The following CWC27 variants were observed in gnomAD, a reference collection of about 807,000 sequenced individuals.
The protein encoded by CWC27 is spliceosome-associated protein CWC27 homolog.
Under a neutral mutation model 63.6 loss-of-function variants are expected in CWC27, and 47 were observed. The observed-to-expected ratio is 0.74, with a 90% CI of 0.58 to 0.94. The LOEUF (loss-of-function observed/expected upper bound fraction) is 0.94, where lower values mean the gene tolerates loss of function less well. Among genes scored for constraint, CWC27 ranks in the 40% least tolerant of loss-of-function variants. The pLI, the probability that CWC27 is intolerant of heterozygous loss-of-function variation, is 0.00. For synonymous variants in CWC27, 175 were observed against 179.8 expected, an observed-to-expected ratio of 0.97 and a Z score of 0.22; for missense variants, 495 against 554.3, an observed-to-expected ratio of 0.89 and a Z score of 1.07.
At chr5:64,873,533 T>C (rs1460766601) in intron 10 of CWC27, among the ~76,000 whole-genome samples, 1 of 151,846 alleles carries the variant, frequency 6.6e-6, no homozygotes, top group Non-Finnish European at 1.5e-5. Flanking sequence ...AATAGGATTA[T>C]TGGGTTTTTT....
Position 64,801,340 on chromosome 5 carries a change from T to A in CWC27, c.780+8T>A. On this transcript the variant is annotated splice_region_variant and intron_variant, in intron 9 of 13. Coordinates refer to ENST00000381070, the MANE Select transcript of CWC27 (RefSeq NM_005869.4). ...GCACCAGATTTAGTTGATGTAAGTA[T>A]TTATTTTGGTATTAATATAGTTTGA... is the stretch of plus-strand genomic sequence containing the variant. 1 of 1,376,086 alleles carries A rather than the reference T, an allele frequency of 7.3e-7. No homozygotes were observed. Among genetic ancestry groups the A allele is most frequent in the Non-Finnish European group, 9.7e-7 (1 of 1,025,858 alleles). 85.2% of individuals were successfully genotyped at this position (1,376,086 alleles called of 1,614,324 possible). A position where few individuals can be genotyped will look rare whatever the true frequency, so the allele number is the denominator to read the frequency against.
chr5:64,910,267 A>T (rs1747756595), intron 11 of CWC27, among the ~76,000 whole-genome samples: 1 of 152,220 alleles, frequency 6.6e-6, no homozygotes, highest in Non-Finnish European at 1.5e-5. Context: ...GAGGCTGCAG[A>T]ACAGCAAATA....
chr5:64,883,873 A>G (rs957726331), intron 10 of CWC27, among the ~76,000 whole-genome samples: 1 of 152,176 alleles, frequency 6.6e-6, no homozygotes, highest in Admixed American at 6.5e-5. Flanking sequence ...GTGAGGTGGG[A>G]GTGTTTGAAA....
At chr5:64,976,662 A>G (rs1749233096) in intron 12 of CWC27, among the ~76,000 whole-genome samples, 1 of 152,144 alleles carries the variant, frequency 6.6e-6, no homozygotes, top group South Asian at 2.1e-4. Flanking sequence ...GCTTCATAGT[A>G]GCTGGGACTA....
intron 11 of CWC27, among the ~76,000 whole-genome samples, chr5:64,892,415 C>CA (rs1440278202): frequency 6.6e-6 from 1 of 151,676 alleles, no homozygotes; most frequent in African/African-American, 2.4e-5. Context: ...TTATTCTTTG[C>CA]AAAAATATCA....
intron 10 of CWC27, among the ~76,000 whole-genome samples, chr5:64,862,879 A>G (rs1366386920): frequency 2.6e-5 from 4 of 152,170 alleles, no homozygotes. Context: ...TGGTTCATAG[A>G]TGGCCATCTT....
chr5:65,005,984 G>T (rs912865629), intron 13 of CWC27, among the ~76,000 whole-genome samples: 2 of 152,074 alleles, frequency 1.3e-5, no homozygotes. Flanking sequence ...AACTGGTTTT[G>T]ATATTTAGTG....
At chr5:64,856,893 G>A (rs1746271165) in intron 10 of CWC27, among the ~76,000 whole-genome samples, 1 of 152,106 alleles carries the variant, frequency 6.6e-6, no homozygotes, top group Non-Finnish European at 1.5e-5. Context: ...AACACTTTGT[G>A]ATGGACCAGA....
chr5:64,899,366 A>G (rs539090165), intron 11 of CWC27, among the ~76,000 whole-genome samples: 1 of 152,358 alleles, frequency 6.6e-6, no homozygotes, highest in South Asian at 2.1e-4. Context: ...TACTTTGCAT[A>G]GTAATGGGCA....
intron 10 of CWC27, among the ~76,000 whole-genome samples, chr5:64,862,070 A>C (rs1006066507): frequency 3.9e-5 from 6 of 152,188 alleles, no homozygotes; most frequent in African/African-American, 1.2e-4. Context: ...ATATTGCTTC[A>C]TGTTGTTGGT....
intron 1 of CWC27, among the ~76,000 whole-genome samples, chr5:64,774,453 GC>G (rs1743369458): frequency 6.6e-6 from 1 of 152,132 alleles, no homozygotes. Context: ...AAAGATATAT[GC>G]TATTGTTTTC....
chr5:64,907,413 T>C (rs993211239), intron 11 of CWC27, among the ~76,000 whole-genome samples: 3 of 152,234 alleles, frequency 2.0e-5, no homozygotes, highest in African/African-American at 7.2e-5. Flanking sequence ...CTGTGTATTT[T>C]ATTCTCTTTG....
intron 11 of CWC27, among the ~76,000 whole-genome samples, chr5:64,953,148 G>T (rs1261863757): frequency 6.6e-6 from 1 of 152,052 alleles, no homozygotes; most frequent in Non-Finnish European, 1.5e-5. Context: ...TATGTATCTT[G>T]TGAAAATGCT....
chr5:64,880,463 A>T (rs1746908633), intron 10 of CWC27, among the ~76,000 whole-genome samples: 1 of 151,956 alleles, frequency 6.6e-6, no homozygotes, highest in African/African-American at 2.4e-5. Context: ...TTATTGAGGG[A>T]TAGAGGAGGT....
At chr5:64,919,629 T>C (rs1747958803) in intron 11 of CWC27, among the ~76,000 whole-genome samples, 1 of 152,220 alleles carries the variant, frequency 6.6e-6, no homozygotes, top group Non-Finnish European at 1.5e-5. Context: ...GTTGCTGTGT[T>C]AGTTACCTTA....
chr5:64,908,321 G>C (rs1455936111), intron 11 of CWC27, among the ~76,000 whole-genome samples: 1 of 152,144 alleles, frequency 6.6e-6, no homozygotes, highest in Non-Finnish European at 1.5e-5. Flanking sequence ...GGTCAATTTT[G>C]GAATAAGTGC....
chr5:64,815,990 G>T (rs1745016474), intron 10 of CWC27, among the ~76,000 whole-genome samples: 2 of 152,126 alleles, frequency 1.3e-5, no homozygotes. Context: ...TAAAAGAATT[G>T]CATACAGTCT....
intron 7 of CWC27, among the ~76,000 whole-genome samples, chr5:64,789,567 T>C (rs1482950968): frequency 6.6e-6 from 1 of 152,142 alleles, no homozygotes; most frequent in Non-Finnish European, 1.5e-5. Flanking sequence ...TTTGTAACTA[T>C]TAAATCCATG....
At position 64,941,341 on chromosome 5, in the gene CWC27, T is replaced by A. The variant is rs1008377893; in HGVS notation, c.1043-30362T>A. On this transcript the variant is annotated intron_variant, in intron 11 of 13. Coordinates refer to ENST00000381070, the MANE Select transcript of CWC27 (RefSeq NM_005869.4). ...AGATATACTGGTAGTCTAAGTACAG[T>A]ACCATACTGCAGGGCACATTTTAGT... Among the ~76,000 whole-genome samples the A allele has an allele frequency of 3.9e-5, 6 of 152,206 alleles. 1 individual carries two copies. The highest frequency in any genetic ancestry group is 3.9e-4 in the Admixed American group (6 of 15,280).
Sources: allele counts gnomAD v4.1 joint callset (sites outside exome capture counted in the v4.1 genomes callset), GRCh38; gene constraint gnomAD v4.1.1; transcripts MANE v1.5; gene names NCBI Gene and HGNC (gene_info 2026-07-23, HGNC 2026-07-21).